GDPD3: variants seen among roughly 807,000 people sequenced by gnomAD.
GDPD3 encodes the protein lysophospholipase D GDPD3.
GDPD3 carries 40 observed loss-of-function variants against 43.7 expected under a neutral mutation model. The observed-to-expected ratio is 0.91, with a 90% CI of 0.71 to 1.19. The LOEUF (loss-of-function observed/expected upper bound fraction) is 1.19, where lower values mean the gene tolerates loss of function less well. Among genes scored for constraint, GDPD3 ranks in the 50% most tolerant of loss-of-function variants. The pLI, the probability that GDPD3 is intolerant of heterozygous loss-of-function variation, is 0.00. For synonymous variants in GDPD3, 145 were observed against 162.9 expected, an observed-to-expected ratio of 0.89 and a Z score of 0.84; for missense variants, 363 against 415.8, an observed-to-expected ratio of 0.87 and a Z score of 1.11.
chr16:30,113,374 G>A lies in GDPD3; in HGVS notation c.105C>T (p.Pro35=), dbSNP rs1338371018. 2 of 1,610,178 alleles carry A rather than the reference G, an allele frequency of 1.2e-6. No homozygotes were observed. Among genetic ancestry groups the A allele is most frequent in the Non-Finnish European group, 1.7e-6 (2 of 1,177,834 alleles). ...GGGCCCCCAGGCGGATGCGGAAGGTGGGAGCCCTGGGCGTGTGCAGCAGAT... is the reference window on the plus strand; with the variant it reads ...GGGCCCCCAGGCGGATGCGGAAGGTAGGAGCCCTGGGCGTGTGCAGCAGAT... ...RPHLLHTPRA[P]TFRIRLGAHR... is the part of the protein sequence containing the mutation. The change falls in exon 1 of 10, where the codon CCC becomes CCT. Residue 35 remains proline, a synonymous_variant. Transcript: ENST00000406256. The surrounding 1 kb of genome is among the most constrained non-coding windows in gnomAD (Gnocchi z 5.9).
intron 7 of GDPD3, among the ~76,000 whole-genome samples, chr16:30,110,205 G>A (rs1236118983): frequency 1.3e-5 from 2 of 152,122 alleles, no homozygotes; most frequent in African/African-American, 4.8e-5. Flanking sequence ...GGGAGGCCGA[G>A]GCAGGCGGAT....
At position 30,111,497 on chromosome 16, in the gene GDPD3, T is replaced by C. The variant is rs549917702; in HGVS notation, c.598A>G (p.Thr200Ala). 14 of 1,613,798 alleles carry C rather than the reference T, an allele frequency of 8.7e-6. No individual in the cohort carries two copies. The South Asian group carries it at 1.5e-4, about 18-fold the overall frequency. Residue 200 changes from threonine (T) to alanine (A), a missense_variant, in exon 7 of 10, where the codon ACA becomes GCA. Coordinates refer to ENST00000406256, the MANE Select transcript of GDPD3 (RefSeq NM_024307.3). Reference protein sequence around the residue: ...AANPEMPLSFTISRGFWVLLS... With the variant: ...AANPEMPLSFAISRGFWVLLS... ...AGCACCCAGAATCCTCGGCTTATTG[T>C]GAAGGACAGGGGCATCTCGGGGTTC... is the stretch of plus-strand genomic sequence containing the variant.
intron 9 of GDPD3, among the ~76,000 whole-genome samples, chr16:30,106,247 G>A (rs2151039471): frequency 6.6e-6 from 1 of 152,318 alleles, no homozygotes; most frequent in South Asian, 2.1e-4. Flanking sequence ...GCTGCAAGAT[G>A]GAAATACTAC....
intron 9 of GDPD3, among the ~76,000 whole-genome samples, chr16:30,106,607 C>CTGTA (rs2072862661): frequency 1.3e-5 from 2 of 152,192 alleles, no homozygotes; most frequent in Admixed American, 6.5e-5. Context: ...TCACAGCCCA[C>CTGTA]TGTAGCCTTG....
intron 7 of GDPD3, 83 bp from the exon 8 acceptor site, chr16:30,108,515 C>A: frequency 7.8e-7 from 1 of 1,281,676 alleles, no homozygotes; most frequent in Admixed American, 1.7e-5. Context: ...CCCCCGCCAA[C>A]TAGGGTAGCG....
intron 7 of GDPD3, among the ~76,000 whole-genome samples, chr16:30,108,775 C>T (rs1417905012): frequency 6.6e-6 from 1 of 152,088 alleles, no homozygotes; most frequent in African/African-American, 2.4e-5. Context: ...GCTGCAGGCC[C>T]TCCTGGTTGG....
intron 9 of GDPD3, 197 bp downstream of exon 9, chr16:30,108,016 C>G (rs774541613): frequency 5.0e-5 from 26 of 524,002 alleles, no homozygotes; most frequent in Non-Finnish European, 7.9e-5. Flanking sequence ...CACACACACA[C>G]AGAAGAAGAA....
chr16:30,112,402 G>A lies in GDPD3; in HGVS notation c.387C>T (p.Asp129=). 1.2e-6 allele frequency: 2 copies of A among 1,613,904 alleles called. No individual in the cohort carries two copies. The highest frequency in any genetic ancestry group is 1.7e-6 in the Non-Finnish European group (2 of 1,179,734). ...FSPGHFAHGS[D]RRMVRLEDLF... ...GGTCCTCCAGACGAACCATGCGCCG[G>A]TCTGACCCGTGAGCAAAGTGGCCTG... The change falls in exon 5 of 10, where the codon GAC becomes GAT. Residue 129 remains aspartate (D), a synonymous_variant. Coordinates refer to ENST00000406256, the MANE Select transcript of GDPD3 (RefSeq NM_024307.3). This position sits in a 1 kb window ranked among gnomAD's most constrained non-coding sequence, Gnocchi z 5.4.
chr16:30,113,069 G>T lies in GDPD3; in HGVS notation c.140-5C>A. On this transcript the variant is annotated splice_region_variant and splice_polypyrimidine_tract_variant and intron_variant, in intron 1 of 9. Coordinates refer to ENST00000406256, the MANE Select transcript of GDPD3 (RefSeq NM_024307.3). The surrounding 1 kb of genome is among the most constrained non-coding windows in gnomAD (Gnocchi z 5.9). ...TCTCCAGCAGCTCTCCAGATCCTGT[G>T]GGGGGCACTGGAGTGGGCCTCTGGG... The T allele has an allele frequency of 6.2e-7, 1 of 1,612,248 alleles. No homozygotes were observed. The highest frequency in any genetic ancestry group is 8.5e-7 in the Non-Finnish European group (1 of 1,178,802).
chr16:30,108,935 C>T (rs2072879499), intron 7 of GDPD3, among the ~76,000 whole-genome samples: 1 of 151,902 alleles, frequency 6.6e-6, no homozygotes, highest in Non-Finnish European at 1.5e-5. Flanking sequence ...GGGTTCACAC[C>T]ATTCTCCTGC....
At chr16:30,105,196 C>T (rs143747332) in intron 9 of GDPD3, among the ~76,000 whole-genome samples, 187 bp from the exon 10 acceptor site, 140 of 152,294 alleles carry the variant, frequency 9.2e-4, no homozygotes, top group African/African-American at 3.2e-3. Context: ...AGCCTGGGTG[C>T]AGTGGCTCAC....
chr16:30,107,986 G>GATACAC (rs2072871521), intron 9 of GDPD3: 2 of 258,082 alleles, frequency 7.7e-6, no homozygotes, highest in Non-Finnish European at 1.5e-5. Context: ...TGAGACTCTT[G>GATACAC]ACACACACAC....
intron 6 of GDPD3, chr16:30,111,816 C>CCAGCTAT: frequency 1.9e-6 from 1 of 526,562 alleles, no homozygotes; most frequent in Non-Finnish European, 3.4e-6. Context: ...ACCTGTAATC[C>CCAGCTAT]CAGCTACTCG....
At chr16:30,107,998 C>G in intron 9 of GDPD3, 1 of 432,740 alleles carries the variant, frequency 2.3e-6, no homozygotes, top group South Asian at 3.2e-5. Context: ...CACACACACA[C>G]ACACACACAC....
At chr16:30,109,644 TA>T (rs2072885986) in intron 7 of GDPD3, among the ~76,000 whole-genome samples, 1 of 151,398 alleles carries the variant, frequency 6.6e-6, no homozygotes. Context: ...CTGTGTCTAC[TA>T]AAAATACAAA....
chr16:30,106,371 C>T (rs1379964917), intron 9 of GDPD3, among the ~76,000 whole-genome samples: 1 of 152,094 alleles, frequency 6.6e-6, no homozygotes, highest in Non-Finnish European at 1.5e-5. Context: ...ATCCTCAAAT[C>T]AGGGCTTTCA....
chr16:30,112,858 G>A lies in GDPD3; in HGVS notation c.183-65C>T. On this transcript the variant is annotated intron_variant, in intron 2 of 9. Transcript: ENST00000406256. This position sits in a 1 kb window ranked among gnomAD's most constrained non-coding sequence, Gnocchi z 5.4. ...CTGGGATGAGGGGCATGGTGGCTGG[G>A]AGGTGGCCGGGAATGTGAGAGCGGA... The A allele has an allele frequency of 6.4e-7, 1 of 1,573,842 alleles. No homozygotes were observed. The highest frequency in any genetic ancestry group is 8.7e-7 in the Non-Finnish European group (1 of 1,151,280).
At position 30,111,423 on chromosome 16, in the gene GDPD3, C is replaced by A; in HGVS notation, c.672G>T (p.Lys224Asn). The A allele has an allele frequency of 6.2e-7, 1 of 1,613,988 alleles. No individual in the cohort carries two copies. Among genetic ancestry groups the A allele is most frequent in the Non-Finnish European group, 8.5e-7 (1 of 1,179,952 alleles). ...GLLPFIPIPE[K>N]FFFCFLPNII... ...TGTTGGGCAGGAAGCAGAAGAAGAA[C>A]TTCTCAGGGATTGGGATGAAGGGCA... Residue 224 changes from lysine (K) to asparagine (N), a missense_variant, in exon 7 of 10, where the codon AAG becomes AAT. Coordinates refer to ENST00000406256, the MANE Select transcript of GDPD3 (RefSeq NM_024307.3).
intron 7 of GDPD3, among the ~76,000 whole-genome samples, chr16:30,108,961 A>G (rs1164723460): frequency 6.6e-6 from 1 of 151,608 alleles, no homozygotes; most frequent in Non-Finnish European, 1.5e-5. Flanking sequence ...CCTCTTGAGT[A>G]GCTGGGACTA....
Sources: gnomAD v4.1 joint callset for allele counts (sites outside exome capture counted in the v4.1 genomes callset) on GRCh38, gnomAD v4.1.1 for gene constraint, Gnocchi (gnomAD v3.1) non-coding constraint, MANE v1.5 for transcripts, NCBI Gene and HGNC (gene_info 2026-07-23, HGNC 2026-07-21) for gene names.